NETO1: variants seen among roughly 807,000 people sequenced by gnomAD.
The protein encoded by NETO1 is neuropilin and tolloid like 1.
In NETO1, 26 loss-of-function variants were observed where a neutral mutation model predicts 61.3. The observed-to-expected ratio is 0.42, with a 90% confidence interval of 0.31 to 0.59. The LOEUF (loss-of-function observed/expected upper bound fraction) is 0.59. NETO1 is among the 20% of genes least tolerant of loss of function. The pLI is 0.12. For missense variants in NETO1, 531 were observed against 662.8 expected (o/e 0.80, Z 2.18); for synonymous variants, 225 against 225.8 (o/e 1.00, Z 0.03).
At chr18:72,776,726 C>T (rs1288931533) in intron 7 of NETO1, among the ~76,000 whole-genome samples, 3 of 152,150 alleles carry the variant, frequency 2.0e-5, no homozygotes, top group Admixed American at 2.0e-4. Context: ...GTCTAAACTC[C>T]TAACATCATC....
At chr18:72,800,917 A>G (rs1472571040) in intron 4 of NETO1, among the ~76,000 whole-genome samples, 1 of 152,220 alleles carries the variant, frequency 6.6e-6, no homozygotes, top group Non-Finnish European at 1.5e-5. Flanking sequence ...TTCTCACAGT[A>G]AATGTATCAC....
At chr18:72,755,886 C>T (rs926754199) in intron 8 of NETO1, 148 bp downstream of exon 8, 19 of 502,796 alleles carry the variant, frequency 3.8e-5, no homozygotes, top group East Asian at 1.2e-4. Context: ...CTAAGAAAAA[C>T]GCTTACAAAT....
rs1403851842 is a variant in NETO1, at chr18:72,835,167, G to C, written c.469+23659C>G. On this transcript the variant is annotated intron_variant, in intron 4 of 10. Coordinates refer to ENST00000327305, the MANE Select transcript of NETO1 (RefSeq NM_138966.5). ...GATTGAGCAAACAGCATTTTCAAGG[G>C]CACAAATCGTGGTGCACCTGGAGAT... The C allele has an allele frequency of 3.1e-6, 4 of 1,294,608 alleles. No individual in the cohort carries two copies. In the East Asian group the frequency reaches 1.2e-4, roughly 39 times the overall value. The allele number at this position is 1,294,608 out of a possible 1,614,324, so 80.2% of individuals were successfully genotyped here. A position where few individuals can be genotyped will look rare whatever the true frequency, so the allele number is the denominator to read the frequency against.
At chr18:72,776,874 A>G (rs1171631949) in intron 7 of NETO1, among the ~76,000 whole-genome samples, 2 of 152,220 alleles carry the variant, frequency 1.3e-5, no homozygotes, top group African/African-American at 4.8e-5. Context: ...CAATAGCCCT[A>G]AAAGTCTTAA....
At chr18:72,761,557 G>A (rs1465922631) in intron 7 of NETO1, among the ~76,000 whole-genome samples, 1 of 152,044 alleles carries the variant, frequency 6.6e-6, no homozygotes, top group East Asian at 1.9e-4. Context: ...TCCCATCTTG[G>A]AAAAGCAAGC....
intron 8 of NETO1, among the ~76,000 whole-genome samples, chr18:72,751,753 T>A (rs1373244484): frequency 6.6e-6 from 1 of 152,186 alleles, no homozygotes; most frequent in Non-Finnish European, 1.5e-5. Flanking sequence ...AACAGACCTG[T>A]ACCACTGTTC....
intron 4 of NETO1, among the ~76,000 whole-genome samples, chr18:72,824,515 G>T: frequency 6.6e-6 from 1 of 152,196 alleles, no homozygotes; most frequent in East Asian, 1.9e-4. Context: ...CATGAGAATA[G>T]TTCCCAAACA....
chr18:72,766,567 AAT>A (rs1358333062), intron 7 of NETO1, among the ~76,000 whole-genome samples: 1 of 152,172 alleles, frequency 6.6e-6, no homozygotes, highest in African/African-American at 2.4e-5. Context: ...ACTCTGTTCC[AAT>A]ATGACTTTTA....
chr18:72,865,118 A>G (rs1268574562), intron 2 of NETO1, 70 bp downstream of exon 2: 1 of 1,482,852 alleles, frequency 6.7e-7, no homozygotes, highest in African/African-American at 1.4e-5. Flanking sequence ...GAATATTAAC[A>G]GTAGGAGGAA....
chr18:72,832,130 G>A (rs990109252), intron 4 of NETO1, among the ~76,000 whole-genome samples: 2 of 152,062 alleles, frequency 1.3e-5, no homozygotes, highest in Non-Finnish European at 2.9e-5. Context: ...ATGAATAATT[G>A]ATAGATGAAT....
Position 72,794,165 on chromosome 18 carries a change from G to T in NETO1, c.591C>A (p.Ser197Arg). The change falls in exon 6 of 11, where the codon AGC (serine) becomes AGA (arginine). Residue 197 changes from serine (S) to arginine (R), a missense_variant. Transcript: ENST00000327305. ...QIMKEGKATA[S>R]EAVDCKWYIR... ...TGTACCACTTGCAATCAACAGCCTC[G>T]CTAGCAGTAGCTTTGCCTTCCTTCA... The T allele has an allele frequency of 1.2e-6, 2 of 1,614,132 alleles. No individual in the cohort carries two copies. Among genetic ancestry groups the T allele is most frequent in the Non-Finnish European group, 1.7e-6 (2 of 1,180,020 alleles).
intron 7 of NETO1, among the ~76,000 whole-genome samples, chr18:72,781,819 A>G (rs2071750649): frequency 6.6e-6 from 1 of 152,128 alleles, no homozygotes; most frequent in African/African-American, 2.4e-5. Context: ...TGTGAAATAC[A>G]AGGTGCTTAT....
At position 72,772,793 on chromosome 18, in the gene NETO1, T is replaced by TCTCTCTCTCTCTC. The variant is rs1391807702; in HGVS notation, c.868+10884_868+10885insGAGAGAGAGAGAG. On this transcript the variant is annotated intron_variant, in intron 7 of 10. Coordinates refer to ENST00000327305, the MANE Select transcript of NETO1 (RefSeq NM_138966.5). ...TATATATATACAGATCTCTATATAG[T>TCTCTCTCTCTCTC]TCTCTCTCTCTCTCTCTCTCTCTCT... Among the ~76,000 whole-genome samples, 172 of 58,932 alleles carry TCTCTCTCTCTCTC rather than the reference T, an allele frequency of 2.9e-3. 19 individuals carry two copies. Among genetic ancestry groups the TCTCTCTCTCTCTC allele is most frequent in the Middle Eastern group, 0.022 (2 of 90 alleles). The allele number at this position is 58,932 out of a possible 152,430, so 38.7% of individuals were successfully genotyped here. A position where few individuals can be genotyped will look rare whatever the true frequency, so the allele number is the denominator to read the frequency against.
intron 4 of NETO1, among the ~76,000 whole-genome samples, chr18:72,845,114 A>G (rs1211411381): frequency 6.6e-6 from 1 of 152,240 alleles, no homozygotes; most frequent in African/African-American, 2.4e-5. Flanking sequence ...TAATTTAATG[A>G]CCAAGTATGG....
intron 4 of NETO1, among the ~76,000 whole-genome samples, chr18:72,822,041 C>T (rs1387375060): frequency 6.6e-6 from 1 of 152,094 alleles, no homozygotes; most frequent in East Asian, 1.9e-4. Context: ...GCTCTAGGGG[C>T]ATTTTTCCTG....
intron 7 of NETO1, among the ~76,000 whole-genome samples, chr18:72,777,519 T>A (rs1386170894): frequency 6.6e-6 from 1 of 150,816 alleles, no homozygotes; most frequent in East Asian, 2.0e-4. Context: ...AGGGGTTGGA[T>A]CACGAGGTCA....
At chr18:72,847,232 A>C (rs983053948) in intron 4 of NETO1, among the ~76,000 whole-genome samples, 12 of 152,238 alleles carry the variant, frequency 7.9e-5, no homozygotes, top group Admixed American at 7.9e-4. Context: ...TCGTGGGCAC[A>C]TGCCCTGCTG....
chr18:72,788,004 T>C (rs1475657742), intron 6 of NETO1, among the ~76,000 whole-genome samples: 1 of 152,198 alleles, frequency 6.6e-6, no homozygotes, highest in East Asian at 1.9e-4. Flanking sequence ...CAAAAATAAA[T>C]GGCTGTTTTA....
chr18:72,825,089 G>T (rs543914087), intron 4 of NETO1, among the ~76,000 whole-genome samples: 1 of 152,188 alleles, frequency 6.6e-6, no homozygotes, highest in African/African-American at 2.4e-5. Context: ...AAAATAAACT[G>T]TCACAATTTA....
Sources: gnomAD v4.1 joint callset for allele counts (sites outside exome capture counted in the v4.1 genomes callset) on GRCh38, gnomAD v4.1.1 for gene constraint, MANE v1.5 for transcripts, NCBI Gene and HGNC (gene_info 2026-07-23, HGNC 2026-07-21) for gene names.